Variants in HMX1 observed in about 807,000 individuals in gnomAD.
HMX1 encodes the protein homeobox protein HMX1.
Under a neutral mutation model 8.9 loss-of-function variants are expected in HMX1, and 8 were observed. The ratio of observed to expected loss-of-function variants is 0.90; its 90% CI spans 0.53 to 1.63. The LOEUF is 1.63. Ranked by LOEUF, HMX1 falls within the 40% of genes most tolerant of loss-of-function variation. The pLI is 0.00. For missense variants in HMX1, 621 were observed against 558.5 expected, an observed-to-expected ratio of 1.11 and a Z score of -1.13; for synonymous variants, 311 against 283.4, an observed-to-expected ratio of 1.10 and a Z score of -0.98.
At chr4:8,850,803 C>T (rs995971089) in intron 1 of HMX1, among the ~76,000 whole-genome samples, 61 of 152,362 alleles carry the variant, frequency 4.0e-4, no homozygotes, top group African/African-American at 1.3e-3. Flanking sequence ...GGTCTGGATC[C>T]GGCATCTCTC....
At chr4:8,856,235 C>A (rs1191100884) in intron 1 of HMX1, among the ~76,000 whole-genome samples, 1 of 152,128 alleles carries the variant, frequency 6.6e-6, no homozygotes, top group Non-Finnish European at 1.5e-5. Flanking sequence ...TTGATAGATT[C>A]CTTTTAAAAA....
Position 8,871,231 on chromosome 4 carries a change from G to A in HMX1, c.384C>T (p.Leu128=), listed in dbSNP as rs950262228. The change falls in exon 1 of 2, where the codon CTC becomes CTT. Residue 128 remains leucine (L), a synonymous_variant. Transcript: ENST00000400677. This position sits in a 1 kb window ranked among gnomAD's most constrained non-coding sequence, Gnocchi z 4.8. ...CGCGCCCTCACTCACTGTCAGGACT[G>A]AGGCCGCCTCCATAGCCACCGTGCG... ...PRAHGGYGGG[L]SPDTSDRDSP... is the part of the protein sequence containing the mutation. The A allele has an allele frequency of 8.4e-5, 124 of 1,480,774 alleles. No homozygotes were observed. The highest frequency in any genetic ancestry group is 1.0e-4 in the Non-Finnish European group (116 of 1,122,528). The allele number at this position is 1,480,774 out of a possible 1,614,324, so 91.7% of individuals were successfully genotyped here. A position where few individuals can be genotyped will look rare whatever the true frequency, so the allele number is the denominator to read the frequency against.
chr4:8,867,926 A>G lies in HMX1; in HGVS notation c.814T>C (p.Ser272Pro). 1 of 1,438,636 alleles carries G rather than the reference A, an allele frequency of 7.0e-7. No homozygotes were observed. The highest frequency in any genetic ancestry group is 9.1e-7 in the Non-Finnish European group (1 of 1,094,502). The allele number at this position is 1,438,636 out of a possible 1,614,324, so 89.1% of individuals were successfully genotyped here. ...LAAELEAASL[S>P]PPGAQRLVRV... is the part of the protein sequence containing the mutation. Reference sequence around the variant, plus strand: ...ACCAGGCGCTGCGCTCCCGGCGGGGACAGGCTGGCCGCCTCCAGCTCGGCT... The same window carrying G: ...ACCAGGCGCTGCGCTCCCGGCGGGGGCAGGCTGGCCGCCTCCAGCTCGGCT... The change falls in exon 2 of 2, where the codon TCC becomes CCC. Residue 272 changes from serine (S) to proline (P), a missense_variant. Transcript: ENST00000400677.
chr4:8,867,023 T>C (rs1387839106), downstream of HMX1: 3 of 963,772 alleles, frequency 3.1e-6, no homozygotes, highest in Admixed American at 1.2e-4. Context: ...GTCTCTGCCC[T>C]CGTGATCACA....
At chr4:8,852,960 G>A (rs550007359) in intron 1 of HMX1, among the ~76,000 whole-genome samples, 4 of 152,008 alleles carry the variant, frequency 2.6e-5, no homozygotes, top group Non-Finnish European at 5.9e-5. Flanking sequence ...GTGACCTGGA[G>A]GATGAAACTT....
At chr4:8,864,164 T>G (rs1404190526), downstream of HMX1, among the ~76,000 whole-genome samples, 1 of 152,166 alleles carries the variant, frequency 6.6e-6, no homozygotes, top group Non-Finnish European at 1.5e-5. Flanking sequence ...TTGGCCTCAC[T>G]CAAATCACAG....
chr4:8,856,299 G>A (rs1428191075), intron 1 of HMX1, among the ~76,000 whole-genome samples: 1 of 152,228 alleles, frequency 6.6e-6, no homozygotes, highest in African/African-American at 2.4e-5. Context: ...GTCCTATTTA[G>A]AAATATAGAG....
rs1296958340 is a variant in HMX1, at chr4:8,853,255, C to T, written c.395-6931G>A. On this transcript the variant is annotated intron_variant, in intron 1 of 1. Coordinates refer to the HMX1 transcript ENST00000506970. This position sits in a 1 kb window ranked among gnomAD's most constrained non-coding sequence, Gnocchi z 4.7. Reference sequence around the variant, plus strand: ...CTGGTAAACCATCCAGGAGGTAGGACAGCTCTGCCCCAGGTCACCAGGGAC... The same window carrying T: ...CTGGTAAACCATCCAGGAGGTAGGATAGCTCTGCCCCAGGTCACCAGGGAC... Among the ~76,000 whole-genome samples, 6 of 152,178 alleles carry T rather than the reference C, an allele frequency of 3.9e-5. No homozygotes were observed. The highest frequency in any genetic ancestry group is 8.8e-5 in the Non-Finnish European group (6 of 68,032).
chr4:8,871,318 G>C lies in HMX1; in HGVS notation c.297C>G (p.Pro99=). 7.3e-7 allele frequency: 1 copy of C among 1,377,528 alleles called. No individual in the cohort carries two copies. The highest frequency in any genetic ancestry group is 9.3e-7 in the Non-Finnish European group (1 of 1,073,316). The allele number at this position is 1,377,528 out of a possible 1,614,324, so 85.3% of individuals were successfully genotyped here. A position where few individuals can be genotyped will look rare whatever the true frequency, so the allele number is the denominator to read the frequency against. The change falls in exon 1 of 2, where the codon CCC becomes CCG. Residue 99 remains proline, a synonymous_variant. Coordinates refer to ENST00000400677, the MANE Select transcript of HMX1 (RefSeq NM_018942.3). The surrounding 1 kb of genome is among the most constrained non-coding windows in gnomAD (Gnocchi z 4.8). Reference sequence around the variant, plus strand: ...GAGCGAAGGGCGGCCCGGGACCGGGGGGCGGCCGAGGACCGAGGCCCAGCG... The same window carrying C: ...GAGCGAAGGGCGGCCCGGGACCGGGCGGCGGCCGAGGACCGAGGCCCAGCG... ...PGALGLGPRP[P]PGPGPPFALG...
At chr4:8,864,091 G>A (rs1721916604), downstream of HMX1, among the ~76,000 whole-genome samples, 1 of 152,226 alleles carries the variant, frequency 6.6e-6, no homozygotes, top group Non-Finnish European at 1.5e-5. Context: ...AGGCCCAGAG[G>A]AGGTGGGTCA....
At chr4:8,864,755 G>C (rs573317395), downstream of HMX1, among the ~76,000 whole-genome samples, 11 of 152,316 alleles carry the variant, frequency 7.2e-5, no homozygotes, top group South Asian at 2.1e-3. Flanking sequence ...CTTGGGATCT[G>C]TTTTCTCTCT....
chr4:8,863,766 G>C (rs959619135), downstream of HMX1, among the ~76,000 whole-genome samples: 1 of 152,246 alleles, frequency 6.6e-6, no homozygotes, highest in Non-Finnish European at 1.5e-5. Context: ...GGCCAAGGGC[G>C]GTGGGACCAC....
At chr4:8,865,562 G>A (rs1029350346), downstream of HMX1, among the ~76,000 whole-genome samples, 2 of 152,098 alleles carry the variant, frequency 1.3e-5, no homozygotes, top group Non-Finnish European at 2.9e-5. Context: ...CCCGGTGACT[G>A]GGTGAGGCCA....
Position 8,867,373 on chromosome 4 carries a change from G to C in HMX1, c.*320C>G, listed in dbSNP as rs1340084335. The C allele has an allele frequency of 4.2e-5, 44 of 1,039,748 alleles. 1 individual carries two copies. In the Admixed American group the frequency reaches 1.9e-3, roughly 44 times the overall value. The allele number at this position is 1,039,748 out of a possible 1,614,324, so 64.4% of individuals were successfully genotyped here. A position where few individuals can be genotyped will look rare whatever the true frequency, so the allele number is the denominator to read the frequency against. ...GCTTGGCCTGAGGGCAGCTGCCCCG[G>C]GTGGCCATGGCCGACCGCTCCTCGC... On this transcript the variant is annotated 3_prime_UTR_variant, in exon 2 of 2. Transcript: ENST00000400677.
chr4:8,868,784 A>T lies in HMX1; in HGVS notation c.395-439T>A, dbSNP rs1722116564. ...CAAGAGGAAAGATGTCCTTCCGAGA[A>T]ATGTTCACACCGAAAAACAAGCACA... On this transcript the variant is annotated intron_variant, in intron 1 of 1. Coordinates refer to ENST00000400677, the MANE Select transcript of HMX1 (RefSeq NM_018942.3). This position sits in a 1 kb window ranked among gnomAD's most constrained non-coding sequence, Gnocchi z 4.6. Among the ~76,000 whole-genome samples, 1 of 152,108 alleles carries T rather than the reference A, an allele frequency of 6.6e-6. No homozygotes were observed. The highest frequency in any genetic ancestry group is 2.4e-5 in the African/African-American group (1 of 41,430).
At chr4:8,864,920 C>T (rs550888685), downstream of HMX1, among the ~76,000 whole-genome samples, 7 of 152,326 alleles carry the variant, frequency 4.6e-5, no homozygotes, top group South Asian at 1.5e-3. Context: ...AAGACACATC[C>T]ACTCTCTCCA....
At chr4:8,855,956 C>A (rs1721597039) in intron 1 of HMX1, among the ~76,000 whole-genome samples, 1 of 152,220 alleles carries the variant, frequency 6.6e-6, no homozygotes, top group Non-Finnish European at 1.5e-5. Flanking sequence ...GGGATCTACG[C>A]CCTCCAGCGG....
downstream of HMX1, among the ~76,000 whole-genome samples, chr4:8,862,927 C>T (rs1412229333): frequency 5.3e-5 from 8 of 152,120 alleles, no homozygotes; most frequent in African/African-American, 1.9e-4. Flanking sequence ...GTCCCCTCTC[C>T]GGCCCACCTA....
At chr4:8,862,528 TTG>T (rs1458447684), downstream of HMX1, among the ~76,000 whole-genome samples, 4 of 152,234 alleles carry the variant, frequency 2.6e-5, no homozygotes, top group Non-Finnish European at 4.4e-5. Flanking sequence ...TAACTTATTT[TTG>T]TTGCCTTATT....
Sources: gnomAD v4.1 joint callset for allele counts (sites outside exome capture counted in the v4.1 genomes callset) on GRCh38, gnomAD v4.1.1 for gene constraint, Gnocchi (gnomAD v3.1) non-coding constraint, MANE v1.5 for transcripts, NCBI Gene and HGNC (gene_info 2026-07-23, HGNC 2026-07-21) for gene names.